CLCN5: variants seen among roughly 807,000 people sequenced by gnomAD.
The protein encoded by CLCN5 is Cl-/H+ antiporter 5, also known as H(+)/Cl(-) exchange transporter 5.
CLCN5 carries 17 observed loss-of-function variants against 54.0 expected under a neutral mutation model. The ratio of observed to expected loss-of-function variants is 0.31; its 90% CI spans 0.22 to 0.47. The LOEUF is 0.47. Among genes scored for constraint, CLCN5 ranks in the 20% least tolerant of loss-of-function variants. The pLI is 1.00. For synonymous variants in CLCN5, 222 were observed against 233.0 expected (o/e 0.95, Z 0.43); for missense variants, 448 against 646.7 (o/e 0.69, Z 3.33).
At position 49,929,779 on chromosome X, in the gene CLCN5, G is replaced by GT. The variant is rs782239212; in HGVS notation, c.16+4479dup. 7.9e-3 allele frequency among the ~76,000 whole-genome samples: 706 copies of GT among 89,921 alleles called. 36 individuals are homozygous for GT. In the East Asian group the frequency reaches 0.17, roughly 21 times the overall value. The allele number at this position is 89,921 out of a possible 115,157, so 78.1% of individuals were successfully genotyped here. On this transcript the variant is annotated intron_variant, in intron 3 of 14. Coordinates refer to ENST00000376091, the MANE Select transcript of CLCN5 (RefSeq NM_001127898.4). ...CTGCTGCAATAAATATAGGTTTTTT[G>GT]TTTTTTTTTTTTTTGGAGAAGGCGA... is the stretch of plus-strand genomic sequence containing the variant.
intron 3 of CLCN5, among the ~76,000 whole-genome samples, chrX:50,026,259 A>T (rs368716674): frequency 3.9e-4 from 44 of 111,922 alleles, no homozygotes; most frequent in African/African-American, 1.3e-3. Flanking sequence ...TGTTCTTTTA[A>T]ATTTGTTAAA....
intron 3 of CLCN5, among the ~76,000 whole-genome samples, chrX:49,965,922 G>T (rs1473548093): frequency 8.9e-6 from 1 of 112,096 alleles, no homozygotes; most frequent in Non-Finnish European, 1.9e-5. Flanking sequence ...GTTTTCAAAT[G>T]TTAAATCAAC....
At chrX:50,003,465 C>T in intron 3 of CLCN5, 1 of 381,514 alleles carries the variant, frequency 2.6e-6, no homozygotes, top group Non-Finnish European at 5.2e-6. Flanking sequence ...CCTCCTAGAG[C>T]ATACCCATAT....
intron 3 of CLCN5, among the ~76,000 whole-genome samples, chrX:49,955,714 T>C (rs1472347882): frequency 1.8e-5 from 2 of 112,030 alleles, no homozygotes; most frequent in African/African-American, 6.5e-5. Context: ...TTTTTTAATA[T>C]TTAATGAAGG....
intron 3 of CLCN5, among the ~76,000 whole-genome samples, chrX:49,975,744 C>A (rs926992362): frequency 9.0e-6 from 1 of 111,576 alleles, no homozygotes; most frequent in African/African-American, 3.3e-5. Flanking sequence ...ATCCAAGTAT[C>A]CCCACAGTGC....
At chrX:50,005,480 C>G (rs782268786) in intron 3 of CLCN5, among the ~76,000 whole-genome samples, 13 of 111,523 alleles carry the variant, frequency 1.2e-4, no homozygotes, top group Non-Finnish European at 2.4e-4. Context: ...ATTTGATCAC[C>G]CAGTGTTGCC....
intron 3 of CLCN5, among the ~76,000 whole-genome samples, chrX:50,010,347 C>G (rs1557182342): frequency 9.1e-6 from 1 of 110,165 alleles, no homozygotes; most frequent in African/African-American, 3.3e-5. Context: ...CTCAAGCGAT[C>G]CTCCCACCTC....
Position 50,096,349 on chromosome X carries a change from A to G in CLCN5, c.*4130A>G, listed in dbSNP as rs782434176. Reference sequence around the variant, plus strand: ...GTTTTTTGAGGAGTCGTCTTGCTCTATCACCAGGTGGGAGTGCAGTGGCAC... The same window carrying G: ...GTTTTTTGAGGAGTCGTCTTGCTCTGTCACCAGGTGGGAGTGCAGTGGCAC... On this transcript the variant is annotated 3_prime_UTR_variant, in exon 15 of 15. Coordinates refer to ENST00000376091, the MANE Select transcript of CLCN5 (RefSeq NM_001127898.4). The G allele has an allele frequency of 1.8e-5, 2 of 111,356 alleles. No homozygotes were observed. Among genetic ancestry groups the G allele is most frequent in the Admixed American group, 9.6e-5 (1 of 10,464 alleles). The allele number at this position is 111,356 out of a possible 1,213,427, so 9.2% of individuals were successfully genotyped here.
intron 3 of CLCN5, among the ~76,000 whole-genome samples, chrX:49,927,049 T>C (rs1925382867): frequency 9.0e-6 from 1 of 110,930 alleles, no homozygotes; most frequent in Non-Finnish European, 1.9e-5. Context: ...ATGGGGGTGG[T>C]GCACTGGATT....
intron 9 of CLCN5, among the ~76,000 whole-genome samples, chrX:50,082,589 A>C (rs1008426596): frequency 1.8e-5 from 2 of 111,537 alleles, no homozygotes; most frequent in Non-Finnish European, 3.8e-5. Flanking sequence ...CTGGGATTAC[A>C]GGCATGAGAC....
chrX:49,947,090 G>A (rs1926797593), intron 3 of CLCN5, among the ~76,000 whole-genome samples: 1 of 111,220 alleles, frequency 9.0e-6, no homozygotes, highest in African/African-American at 3.3e-5. Context: ...CCAAAATGCT[G>A]GGATTAGAGG....
chrX:50,009,090 G>C, intron 3 of CLCN5: 1 of 308,323 alleles, frequency 3.2e-6, no homozygotes, highest in East Asian at 9.1e-5. Context: ...TCACATGTTT[G>C]TGTTTGCTAT....
chrX:49,964,359 G>T (rs914233995), intron 3 of CLCN5, among the ~76,000 whole-genome samples: 5 of 112,050 alleles, frequency 4.5e-5, no homozygotes, highest in African/African-American at 1.6e-4. Flanking sequence ...GATGAACTGT[G>T]TGCCAGGCTT....
intron 3 of CLCN5, among the ~76,000 whole-genome samples, chrX:49,973,659 CT>C (rs572659172): frequency 1.9e-3 from 203 of 104,168 alleles, no homozygotes; most frequent in Non-Finnish European, 1.8e-3. Flanking sequence ...GCTCAACTTA[CT>C]TTTTTTTTTT....
chrX:49,973,783 AC>A (rs1484707621), intron 3 of CLCN5, among the ~76,000 whole-genome samples: 1 of 110,234 alleles, frequency 9.1e-6, no homozygotes, highest in Non-Finnish European at 1.9e-5. Context: ...TTTTTAACTT[AC>A]GATATTGTCA....
At position 50,058,231 on chromosome X, in the gene CLCN5, A is replaced by G. The variant is rs368484543; in HGVS notation, c.164-11648A>G. 1.3e-4 allele frequency among the ~76,000 whole-genome samples: 14 copies of G among 111,709 alleles called. No individual in the cohort carries two copies. The South Asian group carries it at 5.3e-3, about 42-fold the overall frequency. ...TTATTTCTTTAGGTTGTTGCCAATT[A>G]GTGAGCCCTAATGCAGCTGTGATAT... On this transcript the variant is annotated intron_variant, in intron 4 of 14. Transcript: ENST00000376091.
chrX:49,986,227 A>G (rs1422150048), intron 3 of CLCN5, among the ~76,000 whole-genome samples: 1 of 111,761 alleles, frequency 8.9e-6, no homozygotes, highest in Non-Finnish European at 1.9e-5. Flanking sequence ...GACTTTGCTT[A>G]TCTACTTCTA....
At chrX:49,953,947 G>A (rs977088974) in intron 3 of CLCN5, among the ~76,000 whole-genome samples, 36 of 111,690 alleles carry the variant, frequency 3.2e-4, no homozygotes, top group Non-Finnish European at 2.3e-4. Context: ...TAGTTACGAC[G>A]ATGTTGGACT....
intron 2 of CLCN5, 85 bp from the exon 3 acceptor site, chrX:49,925,086 G>A: frequency 2.2e-6 from 1 of 455,141 alleles, no homozygotes; most frequent in South Asian, 3.4e-5. Context: ...TGAAAGAGAG[G>A]TTCAGAGAGG....
Sources: gnomAD v4.1 joint callset for allele counts (sites outside exome capture counted in the v4.1 genomes callset) on GRCh38, gnomAD v4.1.1 for gene constraint, MANE v1.5 for transcripts, NCBI Gene and HGNC (gene_info 2026-07-23, HGNC 2026-07-21) for gene names.